The following ADAMTS2 variants were observed in gnomAD, a reference collection of about 807,000 sequenced individuals.
ADAMTS2 encodes ADAM metallopeptidase with thrombospondin type 1 motif 2, also known as A disintegrin and metalloproteinase with thrombospondin motifs 2.
In ADAMTS2, 50 loss-of-function variants were observed where a neutral mutation model predicts 123.0. That is an observed-to-expected ratio of 0.41 (90% CI 0.32 to 0.51). The LOEUF is 0.51. Among genes scored for constraint, ADAMTS2 ranks in the 20% least tolerant of loss-of-function variants. The pLI, the probability that ADAMTS2 is intolerant of heterozygous loss-of-function variation, is 0.35. For missense variants in ADAMTS2, 1,494 were observed against 1,705.2 expected, an observed-to-expected ratio of 0.88 and a Z score of 2.18; for synonymous variants, 678 against 695.4, an observed-to-expected ratio of 0.98 and a Z score of 0.39.
intron 3 of ADAMTS2, among the ~76,000 whole-genome samples, chr5:179,215,315 G>A (rs984337613): frequency 6.6e-6 from 1 of 152,160 alleles, no homozygotes; most frequent in African/African-American, 2.4e-5. Flanking sequence ...GGGCATGGTG[G>A]TGCATGCCTG....
intron 5 of ADAMTS2, among the ~76,000 whole-genome samples, chr5:179,174,819 T>C (rs892753882): frequency 5.3e-5 from 8 of 149,860 alleles, no homozygotes; most frequent in East Asian, 2.0e-4. Context: ...CTTGCTTGGG[T>C]TCCGCAGCTG....
chr5:179,233,279 A>C (rs1438878251), intron 3 of ADAMTS2, among the ~76,000 whole-genome samples: 1 of 152,246 alleles, frequency 6.6e-6, no homozygotes, highest in Non-Finnish European at 1.5e-5. Flanking sequence ...CTGACTGAAC[A>C]TCATCAGTGC....
Position 179,158,809 on chromosome 5 carries a change from T to A in ADAMTS2, c.1046A>T (p.Gln349Leu), listed in dbSNP as rs775278016. 6.2e-7 allele frequency: 1 copy of A among 1,614,104 alleles called. No individual in the cohort carries two copies. Among genetic ancestry groups the A allele is most frequent in the African/African-American group, 1.3e-5 (1 of 74,934 alleles). The change falls in exon 6 of 22, where the codon CAG becomes CTG. Residue 349 changes from glutamine to leucine, a missense_variant. By Grantham distance (113) the Gln-to-Leu change is moderately radical. Around this residue, in one of 6 missense-constraint regions of ADAMTS2, gnomAD observed 70 missense variants for 85.3 expected, o/e 0.82. Transcript: ENST00000251582. This position sits in a 1 kb window ranked among gnomAD's most constrained non-coding sequence, Gnocchi z 5.0. The part of the protein sequence containing the change: ...LENVCRWAYL[Q>L]QKPDTGHDEY... ...ATCGTGGCCCGTGTCTGGCTTCTGCTGGAGGTAGGCCCAGCGGCAGACATT... is the reference window on the plus strand; with the variant it reads ...ATCGTGGCCCGTGTCTGGCTTCTGCAGGAGGTAGGCCCAGCGGCAGACATT...
chr5:179,132,995 G>A lies in ADAMTS2; in HGVS notation c.2086-95C>T. ...CCCAGTCTCGAACACCTGGCCTCAAGCGATCCTCCTGCCTTGGCCTCCCAA... is the reference window on the plus strand; with the variant it reads ...CCCAGTCTCGAACACCTGGCCTCAAACGATCCTCCTGCCTTGGCCTCCCAA... On this transcript the variant is annotated intron_variant, in intron 13 of 21. Transcript: ENST00000251582. This position sits in a 1 kb window ranked among gnomAD's most constrained non-coding sequence, Gnocchi z 6.1. The A allele has an allele frequency of 1.3e-6, 2 of 1,513,520 alleles. No individual in the cohort carries two copies. The highest frequency in any genetic ancestry group is 1.2e-5 in the South Asian group (1 of 83,914). 93.8% of individuals were successfully genotyped at this position (1,513,520 alleles called of 1,614,324 possible). A position where few individuals can be genotyped will look rare whatever the true frequency, so the allele number is the denominator to read the frequency against.
intron 3 of ADAMTS2, among the ~76,000 whole-genome samples, chr5:179,210,531 CCT>C (rs1473419792): frequency 1.3e-5 from 2 of 152,192 alleles, no homozygotes; most frequent in Non-Finnish European, 2.9e-5. Context: ...CTAGAGCATC[CCT>C]CCACCCAGGA....
chr5:179,187,517 G>A (rs1324385400), intron 4 of ADAMTS2, among the ~76,000 whole-genome samples: 1 of 152,214 alleles, frequency 6.6e-6, no homozygotes, highest in African/African-American at 2.4e-5. Flanking sequence ...TGGAATAACA[G>A]GAAATGGGCA....
intron 3 of ADAMTS2, among the ~76,000 whole-genome samples, chr5:179,223,390 A>G (rs1330134967): frequency 2.4e-5 from 2 of 84,582 alleles, no homozygotes; most frequent in Non-Finnish European, 5.0e-5. Flanking sequence ...ACACGAATGC[A>G]CTCACACACA....
intron 2 of ADAMTS2, among the ~76,000 whole-genome samples, chr5:179,320,894 T>C (rs930607616): frequency 6.6e-6 from 1 of 152,086 alleles, no homozygotes; most frequent in Admixed American, 6.5e-5. Flanking sequence ...CCTGCATCCA[T>C]TTTTCTGCCT....
At chr5:179,298,460 G>A (rs1303775686) in intron 2 of ADAMTS2, among the ~76,000 whole-genome samples, 1 of 152,206 alleles carries the variant, frequency 6.6e-6, no homozygotes, top group East Asian at 1.9e-4. Flanking sequence ...CGAGGAAGCA[G>A]CCCTCACCAG....
intron 2 of ADAMTS2, among the ~76,000 whole-genome samples, chr5:179,283,574 A>C (rs1755895214): frequency 7.6e-6 from 1 of 132,412 alleles, no homozygotes; most frequent in South Asian, 2.4e-4. Context: ...AAAAAAATCC[A>C]GAAAAACAGA....
At chr5:179,331,069 G>T (rs1365966839) in intron 2 of ADAMTS2, among the ~76,000 whole-genome samples, 1 of 151,860 alleles carries the variant, frequency 6.6e-6, no homozygotes, top group Admixed American at 6.6e-5. Flanking sequence ...CATCCCCATC[G>T]CTGTGCCCTG....
intron 2 of ADAMTS2, among the ~76,000 whole-genome samples, chr5:179,282,926 A>C (rs1766957615): frequency 6.6e-6 from 1 of 152,118 alleles, no homozygotes; most frequent in South Asian, 2.1e-4. Context: ...GGGAGCCCTA[A>C]GTCTATCAAC....
Position 179,129,493 on chromosome 5 carries a change from G to A in ADAMTS2, c.2457+439C>T, listed in dbSNP as rs1432843057. Among the ~76,000 whole-genome samples the A allele has an allele frequency of 1.3e-5, 2 of 152,146 alleles. No individual in the cohort carries two copies. The highest frequency in any genetic ancestry group is 1.3e-4 in the Admixed American group (2 of 15,272). On this transcript the variant is annotated intron_variant, in intron 16 of 21. Transcript: ENST00000251582. The surrounding 1 kb of genome is among the most constrained non-coding windows in gnomAD (Gnocchi z 4.1). The stretch of plus-strand genomic sequence containing the variant: ...AGTGATTTGAAAATCCAGCCCCCGT[G>A]GTACTTTCCTACAACCAGGAGATCT...
At chr5:179,156,205 A>G (rs547668379) in intron 6 of ADAMTS2, among the ~76,000 whole-genome samples, 76 of 151,660 alleles carry the variant, frequency 5.0e-4, no homozygotes, top group African/African-American at 1.7e-3. Context: ...CTTCCCTCTT[A>G]TTTTACTTTG....
At position 179,189,936 on chromosome 5, in the gene ADAMTS2, C is replaced by T. The variant is rs1374274568; in HGVS notation, c.892-8781G>A. Among the ~76,000 whole-genome samples the T allele has an allele frequency of 1.3e-5, 2 of 151,960 alleles. No individual in the cohort carries two copies. Among genetic ancestry groups the T allele is most frequent in the Non-Finnish European group, 2.9e-5 (2 of 68,010 alleles). On this transcript the variant is annotated intron_variant, in intron 4 of 21. Transcript: ENST00000251582. This position sits in a 1 kb window ranked among gnomAD's most constrained non-coding sequence, Gnocchi z 4.2. ...TGGCAATATCACAAAGTACATTACCCCAAGGGCGGAGAGGGTGTATTGTTC... is the reference window on the plus strand; with the variant it reads ...TGGCAATATCACAAAGTACATTACCTCAAGGGCGGAGAGGGTGTATTGTTC...
At chr5:179,320,877 G>A (rs1289503846) in intron 2 of ADAMTS2, among the ~76,000 whole-genome samples, 1 of 152,182 alleles carries the variant, frequency 6.6e-6, no homozygotes, top group Non-Finnish European at 1.5e-5. Context: ...AGGTAATGCA[G>A]CAGCTGCCTG....
rs556570495 is a variant in ADAMTS2 at position 179,113,352 on chromosome 5, C to G, written c.*515G>C. 1 of 182,092 alleles carries G rather than the reference C, an allele frequency of 5.5e-6. No homozygotes were observed. Among genetic ancestry groups the G allele is most frequent in the South Asian group, 1.2e-4 (1 of 8,598 alleles). 11.3% of individuals were successfully genotyped at this position (182,092 alleles called of 1,614,324 possible). A position where few individuals can be genotyped will look rare whatever the true frequency, so the allele number is the denominator to read the frequency against. On this transcript the variant is annotated 3_prime_UTR_variant, in exon 22 of 22. Transcript: ENST00000251582. ...CCCCAGCGGGCCACTACGCTCACCCCGGTCAGCCGCCTGGCCCTGGAAGAC... is the reference window on the plus strand; with the variant it reads ...CCCCAGCGGGCCACTACGCTCACCCGGGTCAGCCGCCTGGCCCTGGAAGAC...
In ADAMTS2 at chr5:179,189,713, G is replaced by A. The variant is rs567132931; in HGVS notation, c.892-8558C>T. Among the ~76,000 whole-genome samples, 222 of 149,834 alleles carry A rather than the reference G, an allele frequency of 1.5e-3. 1 individual carries two copies. The Middle Eastern group carries it at 0.017, about 12-fold the overall frequency. ...TTTACAAAGTACATTCTCAAGGGCG[G>A]AAGAATATTACAAAATATCTTCTTA... On this transcript the variant is annotated intron_variant, in intron 4 of 21. Coordinates refer to ENST00000251582, the MANE Select transcript of ADAMTS2 (RefSeq NM_014244.5). The surrounding 1 kb of genome is among the most constrained non-coding windows in gnomAD (Gnocchi z 4.2).
chr5:179,256,988 A>G lies in ADAMTS2; in HGVS notation c.688+15923T>C, dbSNP rs1212397105. The stretch of plus-strand genomic sequence containing the variant: ...CAAGGACTCCGCAGGCCAGGCCCAC[A>G]CTGGCGGCCCCGGCTGCCTGGCCCA... On this transcript the variant is annotated intron_variant, in intron 3 of 21. Transcript: ENST00000251582. This position sits in a 1 kb window ranked among gnomAD's most constrained non-coding sequence, Gnocchi z 4.1. 6.6e-6 allele frequency among the ~76,000 whole-genome samples: 1 copy of G among 152,206 alleles called. No individual in the cohort carries two copies. Among genetic ancestry groups the G allele is most frequent in the East Asian group, 1.9e-4 (1 of 5,184 alleles).
Sources: allele counts gnomAD v4.1 joint callset (sites outside exome capture counted in the v4.1 genomes callset), GRCh38; gene constraint gnomAD v4.1.1; regional missense constraint gnomAD v4.1.1; non-coding constraint Gnocchi (gnomAD v3.1); transcripts MANE v1.5; gene names NCBI Gene and HGNC (gene_info 2026-07-23, HGNC 2026-07-21).